Variants in OCA2 observed in about 807,000 individuals in gnomAD.
OCA2 encodes P protein.
A neutral mutation model predicts 100.2 loss-of-function variants in OCA2; 77 were observed. That is an observed-to-expected ratio of 0.77 (90% confidence interval 0.64 to 0.93). OCA2 has a LOEUF of 0.93. Among genes scored for constraint, OCA2 ranks in the 40% least tolerant of loss-of-function variants. OCA2 has a pLI of 0.00. For synonymous variants in OCA2, 432 were observed against 439.2 expected, an observed-to-expected ratio of 0.98 and a Z score of 0.21; for missense variants, 1,062 against 1,089.1, an observed-to-expected ratio of 0.98 and a Z score of 0.35.
chr15:27,849,842 C>G (rs991057847), intron 22 of OCA2, among the ~76,000 whole-genome samples: 1 of 152,122 alleles, frequency 6.6e-6, no homozygotes, highest in Non-Finnish European at 1.5e-5. Flanking sequence ...ACCATAATTT[C>G]TGTAAAATGC....
chr15:27,925,133 A>T (rs2038998416), intron 19 of OCA2, among the ~76,000 whole-genome samples: 1 of 152,216 alleles, frequency 6.6e-6, no homozygotes, highest in African/African-American at 2.4e-5. Context: ...CAATCCAACA[A>T]AATAGTTGAA....
At chr15:27,795,094 T>C (rs2033270939) in intron 23 of OCA2, among the ~76,000 whole-genome samples, 2 of 152,148 alleles carry the variant, frequency 1.3e-5, no homozygotes, top group Non-Finnish European at 2.9e-5. Flanking sequence ...CAGGAGTGAT[T>C]GTACCCTAAC....
chr15:27,756,541 A>G (rs368032003), intron 23 of OCA2, among the ~76,000 whole-genome samples: 4 of 152,360 alleles, frequency 2.6e-5, no homozygotes, highest in African/African-American at 9.6e-5. Context: ...AATTTCTTGA[A>G]CTTTATCAAC....
the OCA2 span, among the ~76,000 whole-genome samples, chr15:27,726,717 C>G: frequency 2.0e-5 from 3 of 152,036 alleles, no homozygotes; most frequent in South Asian, 2.1e-4. Flanking sequence ...CAAACCTGCA[C>G]GTTGTGCACA....
intron 14 of OCA2, among the ~76,000 whole-genome samples, chr15:27,969,367 T>A (rs2040691574): frequency 6.6e-6 from 1 of 152,238 alleles, no homozygotes; most frequent in Non-Finnish European, 1.5e-5. Flanking sequence ...AAATCCAAAC[T>A]GATCACTTTA....
intron 18 of OCA2, among the ~76,000 whole-genome samples, chr15:27,949,433 C>A (rs189815108): frequency 6.6e-6 from 1 of 152,098 alleles, no homozygotes; most frequent in South Asian, 2.1e-4. Flanking sequence ...GAGGCTGAGG[C>A]GGGAGGATCA....
chr15:27,804,145 G>C (rs188740618), intron 23 of OCA2, among the ~76,000 whole-genome samples: 11 of 152,260 alleles, frequency 7.2e-5, no homozygotes, highest in Non-Finnish European at 1.2e-4. Flanking sequence ...AGTAAAGTGA[G>C]AAAAACCACA....
the OCA2 span, among the ~76,000 whole-genome samples, chr15:27,730,562 G>A: frequency 6.6e-6 from 1 of 150,470 alleles, no homozygotes; most frequent in Non-Finnish European, 1.5e-5. Flanking sequence ...TGGACTAAAA[G>A]CTCCAACCCT....
chr15:27,920,407 A>T (rs1933412167), intron 19 of OCA2, among the ~76,000 whole-genome samples: 1 of 152,194 alleles, frequency 6.6e-6, no homozygotes, highest in Non-Finnish European at 1.5e-5. Context: ...ATTTCATATA[A>T]ATGAAATCAA....
chr15:27,781,644 GA>G (rs1029353476), intron 23 of OCA2, among the ~76,000 whole-genome samples: 7 of 152,066 alleles, frequency 4.6e-5, no homozygotes, highest in Admixed American at 6.5e-5. Context: ...TATATTATTA[GA>G]ATCATTTATT....
At chr15:28,091,949 C>T (rs568849289) in intron 1 of OCA2, among the ~76,000 whole-genome samples, 3 of 152,158 alleles carry the variant, frequency 2.0e-5, no homozygotes, top group South Asian at 4.2e-4. Context: ...GAGCAAGACT[C>T]CATCTCAAAA....
At chr15:27,726,172 C>T in the OCA2 span, among the ~76,000 whole-genome samples, 2 of 152,030 alleles carry the variant, frequency 1.3e-5, no homozygotes, top group Non-Finnish European at 2.9e-5. Context: ...GTGGCACACG[C>T]CTGTAGTCCC....
intron 2 of OCA2, 112 bp from the exon 3 acceptor site, chr15:28,032,275 C>G: frequency 1.1e-6 from 1 of 887,426 alleles, no homozygotes; most frequent in Non-Finnish European, 1.9e-6. Context: ...ATAAATCTTA[C>G]AAGGAAATTT....
rs560966073 is a variant in OCA2 at position 28,079,787 on chromosome 15, G to A, written c.227+1861C>T. 8.1e-4 allele frequency among the ~76,000 whole-genome samples: 123 copies of A among 152,210 alleles called. 1 individual carries two copies. The highest frequency in any genetic ancestry group is 2.9e-3 in the African/African-American group (119 of 41,532). ...CCCCGTGCCCTGCGCAGGCTGTGGG[G>A]TCAGGGCACCCTCACCCTCCCTTCA... On this transcript the variant is annotated intron_variant, in intron 2 of 23. Coordinates refer to ENST00000354638, the MANE Select transcript of OCA2 (RefSeq NM_000275.3).
chr15:27,942,407 C>A (rs1213094475), intron 18 of OCA2, among the ~76,000 whole-genome samples: 1 of 151,866 alleles, frequency 6.6e-6, no homozygotes, highest in Non-Finnish European at 1.5e-5. Flanking sequence ...ACACAAAAGA[C>A]CACATGTTAA....
chr15:28,010,583 A>C (rs1458295034), intron 9 of OCA2, among the ~76,000 whole-genome samples: 2 of 152,358 alleles, frequency 1.3e-5, no homozygotes, highest in East Asian at 3.9e-4. Flanking sequence ...GTGGAAATCA[A>C]AATAAAAACT....
At chr15:27,858,703 T>C (rs986361123) in intron 21 of OCA2, among the ~76,000 whole-genome samples, 26 of 152,090 alleles carry the variant, frequency 1.7e-4, no homozygotes, top group Admixed American at 1.2e-3. Flanking sequence ...TGGAAATATA[T>C]GAAACAAAAA....
chr15:27,837,831 A>G (rs2035210619), intron 23 of OCA2, among the ~76,000 whole-genome samples: 1 of 151,554 alleles, frequency 6.6e-6, no homozygotes, highest in Admixed American at 6.6e-5. Context: ...GGGGAAATGC[A>G]GAATCCTGTA....
intron 19 of OCA2, among the ~76,000 whole-genome samples, chr15:27,875,631 T>C (rs888876056): frequency 1.3e-5 from 2 of 152,092 alleles, no homozygotes; most frequent in Non-Finnish European, 2.9e-5. Flanking sequence ...CTGAGTCTTC[T>C]TATCTATGGA....
Sources: gnomAD v4.1 joint callset for allele counts (sites outside exome capture counted in the v4.1 genomes callset) on GRCh38, gnomAD v4.1.1 for gene constraint, MANE v1.5 for transcripts, NCBI Gene and HGNC (gene_info 2026-07-23, HGNC 2026-07-21) for gene names.